Variants in PPP6R2 observed in about 807,000 individuals in gnomAD.
PPP6R2 encodes protein phosphatase 6 regulatory subunit 2.
PPP6R2 carries 62 observed loss-of-function variants against 100.2 expected under a neutral mutation model. The observed-to-expected ratio is 0.62, with a 90% CI of 0.50 to 0.76. The LOEUF (loss-of-function observed/expected upper bound fraction) is 0.76, where lower values mean the gene tolerates loss of function less well. PPP6R2 is among the 30% of genes least tolerant of loss of function. The probability of loss-of-function intolerance (pLI) is 0.00; values close to 1 mark genes in which losing one functional copy is unlikely to be tolerated. For synonymous variants in PPP6R2, 525 were observed against 514.7 expected, an observed-to-expected ratio of 1.02 and a Z score of -0.27; for missense variants, 1,142 against 1,276.3, an observed-to-expected ratio of 0.89 and a Z score of 1.60.
At chr22:50,394,779 G>A (rs189320177) in intron 3 of PPP6R2, among the ~76,000 whole-genome samples, 6 of 151,628 alleles carry the variant, frequency 4.0e-5, no homozygotes, top group East Asian at 1.9e-4. Context: ...GGTGGCGGGC[G>A]CCCGTAGTCC....
Position 50,437,496 on chromosome 22 carries a change from T to A in PPP6R2, c.1684-10T>A. On this transcript the variant is annotated splice_polypyrimidine_tract_variant and intron_variant, in intron 15 of 23. Transcript: ENST00000612753. ...GTCTGTCCGTCCCTCCCTCCCTCCC[T>A]CCCTCCCAGGCCTTCTCTGACTACC... 1.0e-5 allele frequency: 3 copies of A among 292,912 alleles called. No homozygotes were observed. Among genetic ancestry groups the A allele is most frequent in the Non-Finnish European group, 2.0e-5 (3 of 146,346 alleles). The allele number at this position is 292,912 out of a possible 1,614,324, so 18.1% of individuals were successfully genotyped here.
At chr22:50,375,833 T>TTTTTTTTTTTTA (rs2051403802) in intron 2 of PPP6R2, among the ~76,000 whole-genome samples, 3 of 88,338 alleles carry the variant, frequency 3.4e-5, no homozygotes, top group African/African-American at 2.4e-4. Context: ...TCCCTGCAGA[T>TTTTTTTTTTTTA]TTTTTTTTTT....
intron 1 of PPP6R2, among the ~76,000 whole-genome samples, chr22:50,361,365 A>G (rs148552747): frequency 6.6e-6 from 1 of 152,046 alleles, no homozygotes; most frequent in Non-Finnish European, 1.5e-5. Context: ...AATTACTGAG[A>G]CCTCTGCTTT....
upstream of PPP6R2, among the ~76,000 whole-genome samples, chr22:50,339,536 T>G (rs1276466967): frequency 7.1e-4 from 62 of 87,748 alleles, no homozygotes; most frequent in Middle Eastern, 0.011. Flanking sequence ...TGGTGTGTGG[T>G]GTGTGTGTGG....
intron 1 of PPP6R2, among the ~76,000 whole-genome samples, chr22:50,343,942 A>G (rs1237944940): frequency 7.7e-5 from 1 of 12,996 alleles, no homozygotes; most frequent in Non-Finnish European, 1.2e-4. Context: ...CCCCCCAGTC[A>G]GTGCCCCCTC....
At chr22:50,395,657 C>T (rs923858949) in intron 3 of PPP6R2, among the ~76,000 whole-genome samples, 1 of 152,098 alleles carries the variant, frequency 6.6e-6, no homozygotes, top group African/African-American at 2.4e-5. Flanking sequence ...GCCTCCTGGT[C>T]CCAAGTGATC....
intron 3 of PPP6R2, among the ~76,000 whole-genome samples, chr22:50,400,110 T>G (rs1355663641): frequency 6.6e-6 from 1 of 152,180 alleles, no homozygotes; most frequent in Non-Finnish European, 1.5e-5. Flanking sequence ...GAAGCAGCAG[T>G]GGGTCACAGC....
rs1289619868 is a variant in PPP6R2 at position 50,419,191 on chromosome 22, G to A, written c.732-158G>A. On this transcript the variant is annotated intron_variant, in intron 7 of 23. Transcript: ENST00000612753. The stretch of plus-strand genomic sequence containing the variant: ...CCTGGTGGGTCTAGAGAGTGGGCCA[G>A]CAGCAGCAGGAGTGTCCTGAGAACC... Among the ~76,000 whole-genome samples the A allele has an allele frequency of 2.6e-5, 4 of 152,226 alleles. No individual in the cohort carries two copies. The East Asian group carries it at 7.7e-4, about 29-fold the overall frequency.
chr22:50,373,835 G>A (rs2050843281), intron 2 of PPP6R2, among the ~76,000 whole-genome samples: 1 of 152,014 alleles, frequency 6.6e-6, no homozygotes, highest in South Asian at 2.1e-4. Flanking sequence ...CTGGGTTCAA[G>A]CGAATTTCCT....
At chr22:50,439,638 T>TC in intron 19 of PPP6R2, 63 bp from the exon 20 acceptor site, 1 of 1,453,066 alleles carries the variant, frequency 6.9e-7, no homozygotes, top group Non-Finnish European at 9.1e-7. Context: ...GGGCGCTGCC[T>TC]CCCCTTTGCC....
intron 21 of PPP6R2, 71 bp from the exon 22 acceptor site, chr22:50,440,751 C>G (rs762160617): frequency 6.5e-7 from 1 of 1,542,088 alleles, no homozygotes; most frequent in South Asian, 1.1e-5. Context: ...TATGGGGACC[C>G]TATGGCTGGA....
intron 2 of PPP6R2, among the ~76,000 whole-genome samples, chr22:50,379,320 AC>A (rs1043274805): frequency 6.6e-6 from 1 of 151,604 alleles, no homozygotes; most frequent in Non-Finnish European, 1.5e-5. Context: ...ATGTGGTGAA[AC>A]CCCGTCTCTA....
In PPP6R2 at chr22:50,438,303, G is replaced by A. The variant is rs113767662; in HGVS notation, c.1964+5G>A. ...CCGGGTGATGGCCAGACCCAGGTGCGGGGCCTGCCCATCCCCACAAAGCCT... is the reference window on the plus strand; with the variant it reads ...CCGGGTGATGGCCAGACCCAGGTGCAGGGCCTGCCCATCCCCACAAAGCCT... On this transcript the variant is annotated splice_donor_5th_base_variant and intron_variant, in intron 18 of 23. Coordinates refer to ENST00000612753, the MANE Select transcript of PPP6R2 (RefSeq NM_001242898.2). 5.5e-5 allele frequency: 88 copies of A among 1,609,386 alleles called. 1 individual carries two copies. The East Asian group carries it at 8.5e-4, about 15-fold the overall frequency.
chr22:50,378,541 G>T (rs2052140471), intron 2 of PPP6R2, among the ~76,000 whole-genome samples: 1 of 151,716 alleles, frequency 6.6e-6, no homozygotes. Flanking sequence ...AGCTGAGATG[G>T]CGCCATTGCA....
At chr22:50,358,899 T>C (rs1225883506) in intron 1 of PPP6R2, among the ~76,000 whole-genome samples, 1 of 152,058 alleles carries the variant, frequency 6.6e-6, no homozygotes, top group Non-Finnish European at 1.5e-5. Flanking sequence ...TTCTGTTCCA[T>C]TGGTTTATTT....
intron 3 of PPP6R2, among the ~76,000 whole-genome samples, chr22:50,406,209 A>G (rs1471666324): frequency 1.6e-3 from 166 of 106,882 alleles, no homozygotes; most frequent in East Asian, 3.6e-3. Flanking sequence ...GAGGTGAGAG[A>G]CCTGGAGAGA....
At chr22:50,337,102 TGAA>T in the PPP6R2 span, among the ~76,000 whole-genome samples, 1 of 129,880 alleles carries the variant, frequency 7.7e-6, no homozygotes, top group Non-Finnish European at 1.7e-5. Context: ...AAGGTGGTGA[TGAA>T]GAGAGTGTGT....
At chr22:50,420,397 C>T (rs1325060072) in intron 8 of PPP6R2, among the ~76,000 whole-genome samples, 3 of 152,156 alleles carry the variant, frequency 2.0e-5, no homozygotes, top group Non-Finnish European at 2.9e-5. Context: ...GTGCAGCTGT[C>T]GGAGGCTGCT....
intron 1 of PPP6R2, among the ~76,000 whole-genome samples, chr22:50,356,154 C>T (rs936187171): frequency 1.3e-5 from 2 of 150,588 alleles, no homozygotes; most frequent in African/African-American, 2.4e-5. Context: ...TTAGTAGAGA[C>T]GGGGTTTCAC....
Sources: allele counts gnomAD v4.1 joint callset (sites outside exome capture counted in the v4.1 genomes callset), GRCh38; gene constraint gnomAD v4.1.1; transcripts MANE v1.5; gene names NCBI Gene and HGNC (gene_info 2026-07-23, HGNC 2026-07-21).